Variants in SKAP2 observed in about 807,000 individuals in gnomAD.
SKAP2 encodes src kinase associated phosphoprotein 2.
SKAP2 carries 28 observed loss-of-function variants against 54.9 expected under a neutral mutation model. The ratio of observed to expected loss-of-function variants is 0.51; its 90% CI spans 0.38 to 0.70. The LOEUF is 0.70. SKAP2 is among the 30% of genes least tolerant of loss of function. The pLI is 0.00. For missense variants in SKAP2, 356 were observed against 424.1 expected, an observed-to-expected ratio of 0.84 and a Z score of 1.41; for synonymous variants, 137 against 134.3, an observed-to-expected ratio of 1.02 and a Z score of -0.14.
At chr7:26,776,745 C>G (rs913328537) in intron 4 of SKAP2, among the ~76,000 whole-genome samples, 2 of 152,168 alleles carry the variant, frequency 1.3e-5, no homozygotes, top group African/African-American at 4.8e-5. Flanking sequence ...ATACTTCTGC[C>G]AAGGTCCTCT....
chr7:26,655,468 T>C, the SKAP2 span, among the ~76,000 whole-genome samples: 1 of 152,184 alleles, frequency 6.6e-6, no homozygotes, highest in Admixed American at 6.5e-5. Flanking sequence ...CATTGTATGA[T>C]GAAAAAAATA....
intron 1 of SKAP2, among the ~76,000 whole-genome samples, chr7:26,861,896 C>T (rs937959879): frequency 1.3e-5 from 2 of 151,820 alleles, no homozygotes; most frequent in Admixed American, 6.6e-5. Context: ...CAGTCATTAT[C>T]TTTTGATTAT....
intron 4 of SKAP2, among the ~76,000 whole-genome samples, chr7:26,756,519 A>G (rs977479468): frequency 6.6e-6 from 1 of 152,076 alleles, no homozygotes; most frequent in Non-Finnish European, 1.5e-5. Context: ...ATCCTTTTTT[A>G]TGGCTGCATA....
chr7:26,856,410 T>A (rs1177386309), intron 1 of SKAP2, among the ~76,000 whole-genome samples: 1 of 152,152 alleles, frequency 6.6e-6, no homozygotes, highest in African/African-American at 2.4e-5. Context: ...AAAAAAAGTA[T>A]GAAAATGAAA....
At position 26,729,294 on chromosome 7, in the gene SKAP2, C is replaced by T. The variant is rs114734490; in HGVS notation, c.470-2288G>A. Reference sequence around the variant, plus strand: ...AGGTAAGCATCTCAGATTTCATAGACATGTACTTGTTCGAGGATAAGAAAA... The same window carrying T: ...AGGTAAGCATCTCAGATTTCATAGATATGTACTTGTTCGAGGATAAGAAAA... On this transcript the variant is annotated intron_variant, in intron 6 of 12. Coordinates refer to ENST00000345317, the MANE Select transcript of SKAP2 (RefSeq NM_003930.5). 4.9e-4 allele frequency among the ~76,000 whole-genome samples: 75 copies of T among 152,190 alleles called. 1 individual carries two copies. The highest frequency in any genetic ancestry group is 1.8e-3 in the African/African-American group (74 of 41,530).
intron 4 of SKAP2, among the ~76,000 whole-genome samples, chr7:26,821,068 TGAC>T (rs1259544363): frequency 6.6e-6 from 1 of 152,172 alleles, no homozygotes; most frequent in African/African-American, 2.4e-5. Context: ...TCTGTGCATT[TGAC>T]GACAACAGTA....
At position 26,758,070 on chromosome 7, in the gene SKAP2, A is replaced by G. The variant is rs1175100002; in HGVS notation, c.308-18106T>C. 3.9e-5 allele frequency among the ~76,000 whole-genome samples: 6 copies of G among 152,302 alleles called. No individual in the cohort carries two copies. The East Asian group carries it at 1.2e-3, about 29-fold the overall frequency. On this transcript the variant is annotated intron_variant, in intron 4 of 12. Coordinates refer to ENST00000345317, the MANE Select transcript of SKAP2 (RefSeq NM_003930.5). ...GCCACTGCATCCAGCATGATACACT[A>G]TTTTTTAAAATTTAAGAAATATCTG...
In SKAP2 at chr7:26,807,821, C is replaced by T. The variant is rs548626386; in HGVS notation, c.307+36209G>A. On this transcript the variant is annotated intron_variant, in intron 4 of 12. Coordinates refer to ENST00000345317, the MANE Select transcript of SKAP2 (RefSeq NM_003930.5). ...AGCAGTGATCCACATTGACGCAAGA[C>T]GCTCCACCAGCAAAAAGATTACAAC... Among the ~76,000 whole-genome samples the T allele has an allele frequency of 5.9e-5, 9 of 152,264 alleles. No homozygotes were observed. The South Asian group carries it at 6.2e-4, about 11-fold the overall frequency.
At chr7:26,798,071 A>T (rs908280623) in intron 4 of SKAP2, among the ~76,000 whole-genome samples, 5 of 152,112 alleles carry the variant, frequency 3.3e-5, no homozygotes, top group African/African-American at 1.2e-4. Context: ...GAAAGATATC[A>T]ATATCCAAGT....
intron 4 of SKAP2, among the ~76,000 whole-genome samples, chr7:26,749,933 T>C (rs1782645257): frequency 8.8e-6 from 1 of 113,300 alleles, no homozygotes; most frequent in African/African-American, 3.1e-5. Flanking sequence ...TAACATTTAT[T>C]GAGCCTTTAC....
intron 11 of SKAP2, among the ~76,000 whole-genome samples, chr7:26,674,152 A>T (rs1230115881): frequency 1.3e-5 from 2 of 151,658 alleles, no homozygotes. Flanking sequence ...AGGTGTTTGC[A>T]ATGTTAAAAA....
At chr7:26,812,853 A>AT (rs1438873697) in intron 4 of SKAP2, among the ~76,000 whole-genome samples, 1 of 150,754 alleles carries the variant, frequency 6.6e-6, no homozygotes, top group Admixed American at 6.6e-5. Context: ...GAAAAAAAAA[A>AT]GCCTGTTTTT....
At chr7:26,693,008 T>A (rs1285663327) in intron 9 of SKAP2, among the ~76,000 whole-genome samples, 2 of 152,162 alleles carry the variant, frequency 1.3e-5, no homozygotes, top group African/African-American at 4.8e-5. Flanking sequence ...ACCGCATCAA[T>A]ACAATAAGTA....
intron 9 of SKAP2, among the ~76,000 whole-genome samples, chr7:26,713,713 C>T (rs1393510103): frequency 6.6e-6 from 1 of 151,948 alleles, no homozygotes; most frequent in East Asian, 1.9e-4. Flanking sequence ...CATTCTCCTG[C>T]CTCAGCCTCC....
intron 3 of SKAP2, among the ~76,000 whole-genome samples, chr7:26,846,303 A>G (rs1562633860): frequency 6.6e-6 from 1 of 152,172 alleles, no homozygotes; most frequent in Non-Finnish European, 1.5e-5. Flanking sequence ...AAAGATTTTG[A>G]AAAAAATTCA....
intron 4 of SKAP2, among the ~76,000 whole-genome samples, chr7:26,841,443 G>A (rs989154212): frequency 3.3e-5 from 5 of 151,926 alleles, no homozygotes; most frequent in Non-Finnish European, 4.4e-5. Flanking sequence ...TACGGTGCCT[G>A]GACCTTGTAA....
intron 9 of SKAP2, among the ~76,000 whole-genome samples, chr7:26,704,763 G>C (rs914744496): frequency 1.3e-5 from 2 of 152,156 alleles, no homozygotes; most frequent in Non-Finnish European, 2.9e-5. Flanking sequence ...ATCTGATGGA[G>C]GTCTTGATGC....
rs1024801619 is a variant in SKAP2 at position 26,722,550 on chromosome 7, C to G, written c.796+2878G>C. Among the ~76,000 whole-genome samples the G allele has an allele frequency of 2.6e-5, 4 of 151,672 alleles. 1 individual carries two copies. In the South Asian group the frequency reaches 8.3e-4, roughly 32 times the overall value. On this transcript the variant is annotated intron_variant, in intron 9 of 12. Coordinates refer to ENST00000345317, the MANE Select transcript of SKAP2 (RefSeq NM_003930.5). ...TGGATTACAGGCACCTGCCACCATG[C>G]CCGGCTAATTTTTTATTTATTTTTA...
chr7:26,737,553 A>T (rs1449003704), intron 6 of SKAP2, among the ~76,000 whole-genome samples: 1 of 152,342 alleles, frequency 6.6e-6, no homozygotes, highest in East Asian at 1.9e-4. Context: ...AAAAACTCTA[A>T]AAACTATAAA....
Sources: gnomAD v4.1 joint callset for allele counts (sites outside exome capture counted in the v4.1 genomes callset) on GRCh38, gnomAD v4.1.1 for gene constraint, MANE v1.5 for transcripts, NCBI Gene and HGNC (gene_info 2026-07-23, HGNC 2026-07-21) for gene names.